The following CFAP57 variants were observed in gnomAD, a reference collection of about 807,000 sequenced individuals.
The protein encoded by CFAP57 is cilia- and flagella-associated protein 57.
CFAP57 carries 116 observed loss-of-function variants against 146.8 expected under a neutral mutation model. The ratio of observed to expected loss-of-function variants is 0.79; its 90% CI spans 0.68 to 0.92. The LOEUF (loss-of-function observed/expected upper bound fraction) is 0.92. Among genes scored for constraint, CFAP57 ranks in the 40% least tolerant of loss-of-function variants. The pLI is 0.00. For synonymous variants in CFAP57, 518 were observed against 552.8 expected (o/e 0.94, Z 0.88); for missense variants, 1,377 against 1,527.2 (o/e 0.90, Z 1.64).
At chr1:43,186,633 AGAAAACT>A in intron 5 of CFAP57, 67 bp from the exon 6 acceptor site, 1 of 1,237,312 alleles carries the variant, frequency 8.1e-7, no homozygotes, top group Non-Finnish European at 1.1e-6. Flanking sequence ...AAAAAAAAAA[AGAAAACT>A]CTGAAAGCCT....
chr1:43,227,469 G>A (rs1216470761), intron 18 of CFAP57, among the ~76,000 whole-genome samples: 5 of 152,206 alleles, frequency 3.3e-5, no homozygotes, highest in Admixed American at 3.3e-4. Flanking sequence ...CAGCCAACAG[G>A]CTATCCTTCT....
chr1:43,234,814 CTG>C (rs1314630594), intron 21 of CFAP57, among the ~76,000 whole-genome samples, 176 bp downstream of exon 21: 1 of 152,152 alleles, frequency 6.6e-6, no homozygotes, highest in Non-Finnish European at 1.5e-5. Context: ...TTGGCTGTGA[CTG>C]TGGCTGAGAG....
intron 22 of CFAP57, among the ~76,000 whole-genome samples, chr1:43,251,595 T>C (rs190643412): frequency 7.9e-5 from 12 of 152,320 alleles, no homozygotes; most frequent in African/African-American, 2.6e-4. Context: ...TATGGACATA[T>C]AAAATTTCAC....
chr1:43,197,823 TC>T, intron 7 of CFAP57, 131 bp downstream of exon 7: 1 of 1,306,238 alleles, frequency 7.7e-7, no homozygotes, highest in Non-Finnish European at 1.1e-6. Context: ...TTTTAAAAAA[TC>T]AAGTCAGTCA....
rs1056541312 is a variant in CFAP57, at chr1:43,198,739, A to C, written c.1428+93A>C. ...TAACATGATCTGGGGAGGTGGGACCAAAATCTGTCTTGGAGAACTACAGTG... is the reference window on the plus strand; with the variant it reads ...TAACATGATCTGGGGAGGTGGGACCCAAATCTGTCTTGGAGAACTACAGTG... On this transcript the variant is annotated intron_variant, in intron 8 of 22. Coordinates refer to ENST00000372492, the MANE Select transcript of CFAP57 (RefSeq NM_001378189.1). 1.3e-5 allele frequency: 18 copies of C among 1,381,416 alleles called. No individual in the cohort carries two copies. In the South Asian group the frequency reaches 2.1e-4, roughly 16 times the overall value. The allele number at this position is 1,381,416 out of a possible 1,614,324, so 85.6% of individuals were successfully genotyped here. A position where few individuals can be genotyped will look rare whatever the true frequency, so the allele number is the denominator to read the frequency against.
In CFAP57 at chr1:43,185,245, T is replaced by G; in HGVS notation, c.858T>G (p.Phe286Leu). Residue 286 changes from phenylalanine (F) to leucine (L), a missense_variant, in exon 5 of 23, where the codon TTT becomes TTG. By Grantham distance (22) the Phe-to-Leu change is conservative. Transcript: ENST00000372492. ...GCCAGATGTCCATGCCCCAGGTGTT[T>G]GCCATTGCAGCCTATTCAAAGGGAT... ...SHSQMSMPQV[F>L]AIAAYSKGFA... 2 of 1,614,218 alleles carry G rather than the reference T, an allele frequency of 1.2e-6. No individual in the cohort carries two copies. The highest frequency in any genetic ancestry group is 1.7e-6 in the Non-Finnish European group (2 of 1,180,036).
intron 19 of CFAP57, among the ~76,000 whole-genome samples, chr1:43,234,060 G>T (rs1645584409): frequency 1.3e-5 from 2 of 152,176 alleles, no homozygotes; most frequent in Non-Finnish European, 2.9e-5. Flanking sequence ...TTCAGGCTGG[G>T]TGTCCAGCCG....
At chr1:43,174,990 G>T (rs1333832373) in intron 2 of CFAP57, among the ~76,000 whole-genome samples, 1 of 152,068 alleles carries the variant, frequency 6.6e-6, no homozygotes, top group Non-Finnish European at 1.5e-5. Context: ...TACTGATAAT[G>T]TATTAATAAA....
intron 22 of CFAP57, among the ~76,000 whole-genome samples, chr1:43,252,469 C>G (rs1209974347): frequency 6.6e-6 from 1 of 151,930 alleles, no homozygotes; most frequent in African/African-American, 2.4e-5. Context: ...CCCTAGGCCC[C>G]AAGCAGAAGC....
chr1:43,227,341 T>C (rs547211659), intron 18 of CFAP57, among the ~76,000 whole-genome samples: 6 of 152,322 alleles, frequency 3.9e-5, no homozygotes, highest in Admixed American at 1.3e-4. Flanking sequence ...GGAGTTAACT[T>C]GCCACGGGAC....
Position 43,254,018 on chromosome 1 carries a change from T to C in CFAP57, c.3580T>C (p.Leu1194=), listed in dbSNP as rs1180133861. ...DMLSTAPTAR[L]NEQEETGRII... ...GCTCAGCACAGCTCCCACCGCAAGG[T>C]TGAATGAGCAAGAAGAAACTGGGAG... Residue 1194 remains leucine, a synonymous_variant, in exon 23 of 23, where the codon TTG becomes CTG. Transcript: ENST00000372492. 1.9e-6 allele frequency: 3 copies of C among 1,550,012 alleles called. No individual in the cohort carries two copies. Among genetic ancestry groups the C allele is most frequent in the East Asian group, 2.4e-5 (1 of 40,900 alleles).
Position 43,254,124 on chromosome 1 carries a change from C to A in CFAP57, c.3686C>A (p.Thr1229Asn), listed in dbSNP as rs958169445. 6.4e-7 allele frequency: 1 copy of A among 1,550,754 alleles called. No homozygotes were observed. Among genetic ancestry groups the A allele is most frequent in the Non-Finnish European group, 8.7e-7 (1 of 1,147,028 alleles). Residue 1229 changes from threonine (T) to asparagine (N), a missense_variant, in exon 23 of 23, where the codon ACC becomes AAC. Coordinates refer to ENST00000372492, the MANE Select transcript of CFAP57 (RefSeq NM_001378189.1). ...CAAGAGCAGGTCACAGGGTTCCACA[C>A]CCTCGCTGGAGTTCGGCTTCCTTCC... ...QEQEQVTGFH[T>N]LAGVRLPSLS...
intron 21 of CFAP57, among the ~76,000 whole-genome samples, chr1:43,236,907 C>CT (rs1219940631): frequency 1.2e-5 from 1 of 86,418 alleles, no homozygotes; most frequent in Non-Finnish European, 2.1e-5. Context: ...AGACTCCATC[C>CT]CCCCCCAAAA....
chr1:43,198,095 C>G (rs994625725), intron 7 of CFAP57, among the ~76,000 whole-genome samples: 8 of 152,156 alleles, frequency 5.3e-5, no homozygotes, highest in Non-Finnish European at 8.8e-5. Context: ...ACCCCCAACT[C>G]CCTCCTGACT....
At chr1:43,202,547 C>T (rs1644171998) in intron 9 of CFAP57, among the ~76,000 whole-genome samples, 1 of 152,106 alleles carries the variant, frequency 6.6e-6, no homozygotes, top group Non-Finnish European at 1.5e-5. Flanking sequence ...CTTCGGGAGG[C>T]TGAGGCAGGC....
Position 43,199,445 on chromosome 1 carries a change from A to G in CFAP57, c.1484A>G (p.His495Arg), listed in dbSNP as rs1470198597. 1.2e-6 allele frequency: 2 copies of G among 1,614,158 alleles called. No homozygotes were observed. The highest frequency in any genetic ancestry group is 4.5e-5 in the East Asian group (2 of 44,882). Residue 495 changes from histidine to arginine, a missense_variant, in exon 9 of 23, where the codon CAC becomes CGC. Transcript: ENST00000372492. ...LFAAVNGNVI[H>R]VYTTTSLENI... ...GCTGCAGTCAATGGAAATGTGATTC[A>G]CGTTTACACCACCACGAGCCTAGAG...
intron 21 of CFAP57, among the ~76,000 whole-genome samples, chr1:43,241,293 C>T (rs1645907391): frequency 6.6e-6 from 1 of 152,148 alleles, no homozygotes; most frequent in South Asian, 2.1e-4. Flanking sequence ...CAGTTTTCAA[C>T]AGGAGATTTC....
Position 43,215,311 on chromosome 1 carries a change from G to A in CFAP57, c.1986G>A (p.Leu662=). 1 of 1,551,336 alleles carries A rather than the reference G, an allele frequency of 6.4e-7. No individual in the cohort carries two copies. Among genetic ancestry groups the A allele is most frequent in the Non-Finnish European group, 8.7e-7 (1 of 1,147,134 alleles). ...TGACTGCTGCTGAGGATGGCTGCCT[G>A]TTCACCTGGAAGGTCTTTGATAAGG... is the stretch of plus-strand genomic sequence containing the variant. ...FLLTAAEDGC[L]FTWKVFDKDG... The change falls in exon 12 of 23, where the codon CTG becomes CTA. Residue 662 remains leucine (L), a synonymous_variant. Transcript: ENST00000372492.
intron 11 of CFAP57, chr1:43,210,757 A>C (rs1644568656): frequency 6.6e-6 from 1 of 152,592 alleles, no homozygotes; most frequent in African/African-American, 2.4e-5. Flanking sequence ...CAATGGCTGC[A>C]CAACATTACA....
Sources: allele counts gnomAD v4.1 joint callset (sites outside exome capture counted in the v4.1 genomes callset), GRCh38; gene constraint gnomAD v4.1.1; transcripts MANE v1.5; gene names NCBI Gene and HGNC (gene_info 2026-07-23, HGNC 2026-07-21).